The following MAPK10 variants were observed in gnomAD, a reference collection of about 807,000 sequenced individuals.
The protein encoded by MAPK10 is JNK3 alpha protein kinase.
MAPK10 carries 25 observed loss-of-function variants against 59.3 expected under a neutral mutation model. That is an observed-to-expected ratio of 0.42 (90% CI 0.31 to 0.59). MAPK10 has a LOEUF of 0.59. MAPK10 is among the 20% of genes least tolerant of loss of function. MAPK10 has a pLI of 0.15. For missense variants in MAPK10, 351 were observed against 568.9 expected, an observed-to-expected ratio of 0.62 and a Z score of 3.90; for synonymous variants, 190 against 200.5, an observed-to-expected ratio of 0.95 and a Z score of 0.44.
intron 2 of MAPK10, among the ~76,000 whole-genome samples, chr4:86,233,527 G>A (rs575015330): frequency 2.0e-5 from 3 of 152,140 alleles, no homozygotes; most frequent in South Asian, 4.1e-4. Flanking sequence ...CTAACCCAGT[G>A]GTGCCAAGCA....
At chr4:86,114,810 C>T (rs2058063721) in intron 4 of MAPK10, among the ~76,000 whole-genome samples, 1 of 152,236 alleles carries the variant, frequency 6.6e-6, no homozygotes, top group Non-Finnish European at 1.5e-5. Context: ...CCGCTCCTCC[C>T]CTCAGGGGCT....
intron 1 of MAPK10, among the ~76,000 whole-genome samples, chr4:86,448,966 A>C (rs921309202): frequency 6.6e-6 from 1 of 152,152 alleles, no homozygotes. Context: ...TGCACAGTTC[A>C]CAATAGGGTT....
At chr4:86,526,815 A>G (rs892464273) in intron 1 of MAPK10, among the ~76,000 whole-genome samples, 2 of 152,158 alleles carry the variant, frequency 1.3e-5, no homozygotes, top group Non-Finnish European at 2.9e-5. Flanking sequence ...TTCTTTGTTT[A>G]CCCAAAAGTC....
chr4:86,461,590 A>G lies in MAPK10; in HGVS notation c.-262-106946T>C, dbSNP rs7674832. Among the ~76,000 whole-genome samples the G allele has an allele frequency of 6.0e-3, 917 of 152,278 alleles. 7 individuals carry two copies. The highest frequency in any genetic ancestry group is 0.02 in the African/African-American group (820 of 41,554). ...ATGGGACAACTGTGGGCTCTGGTTC[A>G]TTCCATCTTGGAACCTTTTCACACT... On this transcript the variant is annotated intron_variant, in intron 1 of 4. Coordinates refer to the MAPK10 transcript ENST00000502302.
chr4:86,564,679 C>T (rs1161957206), intron 1 of MAPK10, among the ~76,000 whole-genome samples: 3 of 152,032 alleles, frequency 2.0e-5, no homozygotes, highest in Non-Finnish European at 4.4e-5. Flanking sequence ...GAGGAGATAC[C>T]CCTTCCTCCT....
chr4:86,189,750 T>C (rs1251631004), intron 3 of MAPK10, among the ~76,000 whole-genome samples: 1 of 152,180 alleles, frequency 6.6e-6, no homozygotes, highest in Admixed American at 6.5e-5. Flanking sequence ...TTCATTCTCT[T>C]GCCTGATTGC....
chr4:86,100,803 A>G (rs1226541863), intron 8 of MAPK10: 1 of 367,650 alleles, frequency 2.7e-6, no homozygotes, highest in African/African-American at 2.0e-5. Flanking sequence ...GTTTAATCAG[A>G]CTCCATTTAC....
chr4:86,035,370 CAAAAAAAA>C (rs70948779), intron 11 of MAPK10, among the ~76,000 whole-genome samples: 4 of 37,864 alleles, frequency 1.1e-4, no homozygotes, highest in Admixed American at 3.8e-4. Context: ...GACTCTGTCT[CAAAAAAAA>C]AAAAAAAAAA....
chr4:86,311,893 C>T (rs2095677196), intron 2 of MAPK10, among the ~76,000 whole-genome samples: 3 of 152,132 alleles, frequency 2.0e-5, no homozygotes. Context: ...CGTTCTTCTA[C>T]ACCTTCTCTT....
intron 2 of MAPK10, among the ~76,000 whole-genome samples, chr4:86,203,971 T>C (rs1256877204): frequency 1.3e-5 from 2 of 151,846 alleles, no homozygotes; most frequent in Non-Finnish European, 2.9e-5. Flanking sequence ...CAAGTTATGG[T>C]CCATCAGTCA....
intron 2 of MAPK10, among the ~76,000 whole-genome samples, chr4:86,211,462 A>G (rs1439930784): frequency 1.3e-5 from 2 of 152,154 alleles, no homozygotes; most frequent in East Asian, 3.8e-4. Flanking sequence ...AGTGTCAACC[A>G]AGAATCTAAT....
At chr4:86,429,098 T>C (rs1747691547) in intron 1 of MAPK10, among the ~76,000 whole-genome samples, 1 of 152,208 alleles carries the variant, frequency 6.6e-6, no homozygotes, top group Non-Finnish European at 1.5e-5. Flanking sequence ...ATATTATCAA[T>C]ATTTTTCTTT....
chr4:86,143,641 T>C (rs948226015), intron 4 of MAPK10, among the ~76,000 whole-genome samples: 2 of 152,220 alleles, frequency 1.3e-5, no homozygotes, highest in Non-Finnish European at 2.9e-5. Context: ...GTGAGGACCA[T>C]GTCTTCTTTT....
intron 1 of MAPK10, among the ~76,000 whole-genome samples, chr4:86,398,811 A>G (rs1048913637): frequency 2.8e-4 from 43 of 152,140 alleles, no homozygotes; most frequent in African/African-American, 9.9e-4. Flanking sequence ...CTTTATGTCT[A>G]TAAGTACCCA....
intron 1 of MAPK10, among the ~76,000 whole-genome samples, chr4:86,447,843 A>G (rs139655293): frequency 1.7e-3 from 253 of 152,324 alleles, no homozygotes; most frequent in Non-Finnish European, 3.2e-3. Context: ...TATAATACAT[A>G]TAGAGTTAAT....
rs1480971865 is a variant in MAPK10 at position 86,017,530 on chromosome 4, A to T, written c.1253-160T>A. Among the ~76,000 whole-genome samples the T allele has an allele frequency of 6.6e-6, 1 of 152,218 alleles. No homozygotes were observed. Among genetic ancestry groups the T allele is most frequent in the Non-Finnish European group, 1.5e-5 (1 of 68,040 alleles). On this transcript the variant is annotated intron_variant, in intron 13 of 13. Coordinates refer to ENST00000641462, the MANE Select transcript of MAPK10 (RefSeq NM_138982.4). The surrounding 1 kb of genome is among the most constrained non-coding windows in gnomAD (Gnocchi z 4.4). ...CAGCTGACATAGGGGAGCATATCAA[A>T]TGGTGACAATCAAGACATAGCAATA...
At chr4:86,401,403 G>A (rs538658165) in intron 1 of MAPK10, among the ~76,000 whole-genome samples, 5 of 152,166 alleles carry the variant, frequency 3.3e-5, no homozygotes, top group African/African-American at 4.8e-5. Flanking sequence ...TAGATTCTTC[G>A]CTTCCATTGA....
At chr4:86,578,907 T>C (rs961320381) in intron 1 of MAPK10, among the ~76,000 whole-genome samples, 4 of 152,202 alleles carry the variant, frequency 2.6e-5, no homozygotes, top group Admixed American at 6.5e-5. Context: ...ACTCTATCAT[T>C]ACATATATTA....
intron 2 of MAPK10, among the ~76,000 whole-genome samples, chr4:86,353,084 C>G (rs2148966076): frequency 6.6e-6 from 1 of 152,264 alleles, no homozygotes; most frequent in South Asian, 2.1e-4. Context: ...TAATAGTCCA[C>G]CAAAAGATCC....
Sources: allele counts gnomAD v4.1 joint callset (sites outside exome capture counted in the v4.1 genomes callset), GRCh38; gene constraint gnomAD v4.1.1; non-coding constraint Gnocchi (gnomAD v3.1); transcripts MANE v1.5; gene names NCBI Gene and HGNC (gene_info 2026-07-23, HGNC 2026-07-21).